VPS53: variants seen among roughly 807,000 people sequenced by gnomAD.
The protein encoded by VPS53 is VPS53 subunit of GARP complex.
In VPS53, 70 loss-of-function variants were observed where a neutral mutation model predicts 107.0. The observed-to-expected ratio is 0.65, with a 90% CI of 0.54 to 0.80. The LOEUF is 0.80. Ranked by LOEUF, VPS53 falls within the 30% of genes least tolerant of loss-of-function variation. VPS53 has a pLI of 0.00. For missense variants in VPS53, 917 were observed against 1,049.4 expected (o/e 0.87, Z 1.74); for synonymous variants, 409 against 393.3 (o/e 1.04, Z -0.47).
chr17:606,836 C>T lies in VPS53; in HGVS notation c.1117-4940G>A, dbSNP rs548582789. On this transcript the variant is annotated intron_variant, in intron 11 of 21. Coordinates refer to ENST00000437048, the MANE Select transcript of VPS53 (RefSeq NM_001128159.3). ...GATCTGAGGTAGAACAGTTTCATCT[C>T]GAAACCATCCCCTACCCCCATCCCC... Among the ~76,000 whole-genome samples, 6 of 152,158 alleles carry T rather than the reference C, an allele frequency of 3.9e-5. No homozygotes were observed. The East Asian group carries it at 9.7e-4, about 25-fold the overall frequency.
intron 11 of VPS53, among the ~76,000 whole-genome samples, chr17:611,500 C>G (rs765948581): frequency 6.6e-6 from 1 of 152,156 alleles, no homozygotes; most frequent in African/African-American, 2.4e-5. Context: ...AATGTAAAAC[C>G]GTGTGGCTGC....
intron 12 of VPS53, among the ~76,000 whole-genome samples, chr17:598,268 T>C (rs937657392): frequency 5.3e-5 from 8 of 152,176 alleles, no homozygotes; most frequent in South Asian, 4.1e-4. Context: ...CAGTGCTCAA[T>C]GGTGCCCAGG....
intron 4 of VPS53, among the ~76,000 whole-genome samples, chr17:687,324 T>A (rs1178339246): frequency 6.7e-6 from 1 of 149,450 alleles, no homozygotes; most frequent in Non-Finnish European, 1.5e-5. Flanking sequence ...ATACCTGTAA[T>A]CCCAGCACTT....
chr17:698,694 C>T (rs1446825015), intron 3 of VPS53, among the ~76,000 whole-genome samples: 1 of 151,010 alleles, frequency 6.6e-6, no homozygotes, highest in East Asian at 1.9e-4. Context: ...CAGAGTAAGA[C>T]CTTGTTTTGA....
chr17:650,798 C>T (rs763450970), intron 7 of VPS53, among the ~76,000 whole-genome samples: 4 of 152,130 alleles, frequency 2.6e-5, no homozygotes, highest in East Asian at 1.9e-4. Context: ...TTAGAAACAA[C>T]GACCTAGTGC....
intron 17 of VPS53, among the ~76,000 whole-genome samples, chr17:545,163 G>T (rs1474519779): frequency 6.6e-6 from 1 of 152,156 alleles, no homozygotes; most frequent in Admixed American, 6.5e-5. Context: ...AACACTACTG[G>T]AATCTCAAAG....
At chr17:696,565 T>C (rs1368781184) in intron 4 of VPS53, among the ~76,000 whole-genome samples, 1 of 152,186 alleles carries the variant, frequency 6.6e-6, no homozygotes, top group Non-Finnish European at 1.5e-5. Flanking sequence ...TCAGCATTTC[T>C]ACTACAACAG....
chr17:623,448 G>T, intron 11 of VPS53, 85 bp downstream of exon 11: 1 of 1,493,314 alleles, frequency 6.7e-7, no homozygotes, highest in Non-Finnish European at 9.0e-7. Context: ...GAAGCCAATG[G>T]ATAGAGTCAC....
chr17:568,518 A>G (rs1302514717), intron 13 of VPS53, among the ~76,000 whole-genome samples: 1 of 152,112 alleles, frequency 6.6e-6, no homozygotes, highest in Non-Finnish European at 1.5e-5. Context: ...GGGTGCTGGG[A>G]TTACAGGCAC....
chr17:560,719 T>A (rs1054454220), intron 14 of VPS53, 146 bp from the exon 15 acceptor site: 1 of 903,414 alleles, frequency 1.1e-6, no homozygotes, highest in African/African-American at 1.7e-5. Context: ...GTCCTTTTCC[T>A]ACTGACCTTA....
chr17:633,175 C>T (rs1970032850), intron 7 of VPS53, among the ~76,000 whole-genome samples: 1 of 152,122 alleles, frequency 6.6e-6, no homozygotes, highest in Non-Finnish European at 1.5e-5. Flanking sequence ...ATCAATCACG[C>T]CCCGCAATGG....
chr17:702,211 G>A (rs761870073), intron 2 of VPS53, among the ~76,000 whole-genome samples: 2 of 152,020 alleles, frequency 1.3e-5, no homozygotes, highest in African/African-American at 2.4e-5. Flanking sequence ...AAAATTAGCC[G>A]GGTATGGTAG....
chr17:533,500 G>C (rs1410411372), intron 18 of VPS53, among the ~76,000 whole-genome samples: 1 of 152,156 alleles, frequency 6.6e-6, no homozygotes, highest in Non-Finnish European at 1.5e-5. Flanking sequence ...GCAGATCCCA[G>C]GATTCTGGGG....
intron 13 of VPS53, among the ~76,000 whole-genome samples, chr17:580,494 G>T (rs950209618): frequency 6.6e-6 from 1 of 150,384 alleles, no homozygotes; most frequent in Non-Finnish European, 1.5e-5. Flanking sequence ...AGAACCTAAT[G>T]CATTCCCAGA....
chr17:578,804 C>T (rs746523008), intron 13 of VPS53, among the ~76,000 whole-genome samples: 1 of 151,070 alleles, frequency 6.6e-6, no homozygotes, highest in Admixed American at 6.6e-5. Context: ...GAACCCCCAA[C>T]AGAATCTCAG....
At chr17:625,782 A>T (rs1017367739) in intron 10 of VPS53, among the ~76,000 whole-genome samples, 2 of 152,230 alleles carry the variant, frequency 1.3e-5, no homozygotes, top group African/African-American at 4.8e-5. Context: ...AATGTGTTTG[A>T]AACATGCAAT....
chr17:575,029 T>A (rs1435140701), intron 13 of VPS53, among the ~76,000 whole-genome samples: 4 of 152,220 alleles, frequency 2.6e-5, no homozygotes, highest in African/African-American at 4.8e-5. Flanking sequence ...TGTACCTCGG[T>A]GTGCCTGCTG....
chr17:709,422 G>A (rs1371460900), intron 2 of VPS53, among the ~76,000 whole-genome samples: 1 of 152,142 alleles, frequency 6.6e-6, no homozygotes, highest in Admixed American at 6.5e-5. Context: ...CGACTGCTAC[G>A]TTTTACTAAA....
chr17:569,853 G>A (rs1227025318), intron 13 of VPS53, among the ~76,000 whole-genome samples: 1 of 150,572 alleles, frequency 6.6e-6, no homozygotes, highest in African/African-American at 2.5e-5. Context: ...CCCAGGAGCC[G>A]AGATTATGTC....
Sources: gnomAD v4.1 joint callset for allele counts (sites outside exome capture counted in the v4.1 genomes callset) on GRCh38, gnomAD v4.1.1 for gene constraint, MANE v1.5 for transcripts, NCBI Gene and HGNC (gene_info 2026-07-23, HGNC 2026-07-21) for gene names.